The following LMBRD1 variants were observed in gnomAD, a reference collection of about 807,000 sequenced individuals.
LMBRD1 encodes lysosomal cobalamin transport escort protein LMBD1.
A neutral mutation model predicts 74.8 loss-of-function variants in LMBRD1; 64 were observed. The ratio of observed to expected loss-of-function variants is 0.86; its 90% CI spans 0.70 to 1.05. LMBRD1 has a LOEUF of 1.05. Ranked by LOEUF, LMBRD1 falls within the 50% of genes least tolerant of loss-of-function variation. The pLI, the probability that LMBRD1 is intolerant of heterozygous loss-of-function variation, is 0.00. For missense variants in LMBRD1, 652 were observed against 645.9 expected (o/e 1.01, Z -0.10); for synonymous variants, 204 against 216.3 (o/e 0.94, Z 0.50).
chr6:69,710,428 A>G (rs1766358024), intron 9 of LMBRD1, among the ~76,000 whole-genome samples: 1 of 152,188 alleles, frequency 6.6e-6, no homozygotes, highest in Non-Finnish European at 1.5e-5. Flanking sequence ...TTCTTACCTT[A>G]GGATAGACAA....
chr6:69,783,556 G>C (rs1356639387), intron 2 of LMBRD1, among the ~76,000 whole-genome samples: 1 of 152,024 alleles, frequency 6.6e-6, no homozygotes, highest in East Asian at 1.9e-4. Flanking sequence ...TGTATTTTTT[G>C]TAGAGACTGG....
intron 3 of LMBRD1, among the ~76,000 whole-genome samples, chr6:69,765,833 C>T (rs185031826): frequency 1.3e-5 from 2 of 152,062 alleles, no homozygotes; most frequent in African/African-American, 4.8e-5. Context: ...AAATCTTATG[C>T]TTTTTTGTTA....
chr6:69,753,477 G>A (rs1765206668), intron 3 of LMBRD1, among the ~76,000 whole-genome samples: 1 of 152,202 alleles, frequency 6.6e-6, no homozygotes, highest in Non-Finnish European at 1.5e-5. Context: ...AACCCTGTGT[G>A]CTGCTGGTGG....
At chr6:69,769,766 C>T (rs1191813131) in intron 3 of LMBRD1, among the ~76,000 whole-genome samples, 1 of 150,208 alleles carries the variant, frequency 6.7e-6, no homozygotes, top group Non-Finnish European at 1.5e-5. Flanking sequence ...ATTTTTATCC[C>T]AGCTCAAAAA....
chr6:69,719,168 A>G (rs571298928), intron 7 of LMBRD1, 87 bp from the exon 8 acceptor site: 29 of 1,273,976 alleles, frequency 2.3e-5, no homozygotes, highest in Admixed American at 5.8e-5. Context: ...TTTTAAAGTC[A>G]TAAGAGTCAG....
intron 6 of LMBRD1, among the ~76,000 whole-genome samples, chr6:69,739,357 A>G (rs1179277122): frequency 1.3e-5 from 2 of 152,162 alleles, no homozygotes; most frequent in Non-Finnish European, 2.9e-5. Context: ...TGCTGAAGAT[A>G]CCTGAAGATG....
chr6:69,691,147 C>CTT (rs67075550), intron 14 of LMBRD1, among the ~76,000 whole-genome samples: 107,206 of 138,402 alleles, frequency 0.77, 42,745 homozygotes, highest in Middle Eastern at 0.9. Flanking sequence ...GCCTCTCTCT[C>CTT]TCTTTTTTTT....
At chr6:69,699,371 T>C (rs909709895) in intron 12 of LMBRD1, among the ~76,000 whole-genome samples, 179 bp from the exon 13 acceptor site, 2 of 151,860 alleles carry the variant, frequency 1.3e-5, no homozygotes, top group African/African-American at 2.4e-5. Context: ...ACATGGTCTA[T>C]TTCCAGAGAA....
At chr6:69,751,506 T>C (rs1336968619) in intron 4 of LMBRD1, among the ~76,000 whole-genome samples, 1 of 152,204 alleles carries the variant, frequency 6.6e-6, no homozygotes, top group Non-Finnish European at 1.5e-5. Flanking sequence ...TTTGTACTTT[T>C]AGTAGAGACA....
intron 9 of LMBRD1, among the ~76,000 whole-genome samples, chr6:69,711,852 T>A (rs981320419): frequency 3.9e-5 from 6 of 152,120 alleles, no homozygotes; most frequent in Non-Finnish European, 7.4e-5. Context: ...TTTTAACATT[T>A]AAGTTCACGG....
At chr6:69,711,117 C>T (rs1018949487) in intron 9 of LMBRD1, among the ~76,000 whole-genome samples, 8 of 151,960 alleles carry the variant, frequency 5.3e-5, no homozygotes, top group Non-Finnish European at 7.4e-5. Flanking sequence ...GTAATACCAC[C>T]GAACAATAAA....
chr6:69,727,026 G>C (rs764471969), intron 7 of LMBRD1, among the ~76,000 whole-genome samples: 5 of 152,018 alleles, frequency 3.3e-5, no homozygotes, highest in Non-Finnish European at 7.4e-5. Context: ...GTGGTGGCAA[G>C]CACCTGTTGT....
At chr6:69,682,903 G>A (rs905277490) in intron 14 of LMBRD1, among the ~76,000 whole-genome samples, 17 of 151,932 alleles carry the variant, frequency 1.1e-4, no homozygotes, top group Admixed American at 7.9e-4. Context: ...AATTTAGAGA[G>A]AAATTTGCAT....
chr6:69,757,890 C>T (rs1350644526), intron 3 of LMBRD1, among the ~76,000 whole-genome samples: 2 of 152,106 alleles, frequency 1.3e-5, no homozygotes, highest in Non-Finnish European at 2.9e-5. Flanking sequence ...GACCCACTAA[C>T]ATCAAAGAAC....
intron 3 of LMBRD1, among the ~76,000 whole-genome samples, chr6:69,769,443 C>T (rs573312467): frequency 6.6e-6 from 1 of 152,248 alleles, no homozygotes; most frequent in African/African-American, 2.4e-5. Flanking sequence ...AACTGATTTA[C>T]AATAGCTGCT....
intron 14 of LMBRD1, among the ~76,000 whole-genome samples, chr6:69,684,914 T>C (rs187693308): frequency 8.1e-4 from 123 of 152,272 alleles, no homozygotes; most frequent in African/African-American, 2.9e-3. Flanking sequence ...TTAATAATAC[T>C]ATTTAAAAAG....
intron 12 of LMBRD1, among the ~76,000 whole-genome samples, chr6:69,700,312 T>C (rs938878638): frequency 1.5e-4 from 23 of 151,864 alleles, no homozygotes; most frequent in African/African-American, 5.3e-4. Flanking sequence ...TATGGTAATC[T>C]TTACTAATAG....
Position 69,674,080 on chromosome 6 carries a change from A to G in LMBRD1, c.*2078T>C, listed in dbSNP as rs1209830379. 2.0e-5 allele frequency among the ~76,000 whole-genome samples: 3 copies of G among 152,192 alleles called. No individual in the cohort carries two copies. The highest frequency in any genetic ancestry group is 2.4e-5 in the African/African-American group (1 of 41,448). On this transcript the variant is annotated 3_prime_UTR_variant, in exon 16 of 16. Coordinates refer to ENST00000649934, the MANE Select transcript of LMBRD1 (RefSeq NM_018368.4). ...GAACCTCAAGATTAAAGGGTTGACA[A>G]CACTGGATTCTCCTGAGGCCTCTCC...
At chr6:69,741,712 C>T in intron 6 of LMBRD1, 77 bp downstream of exon 6, 1 of 871,060 alleles carries the variant, frequency 1.1e-6, no homozygotes, top group Admixed American at 1.9e-5. Flanking sequence ...TAACAAAATA[C>T]AAATAAACTG....
Sources: gnomAD v4.1 joint callset for allele counts (sites outside exome capture counted in the v4.1 genomes callset) on GRCh38, gnomAD v4.1.1 for gene constraint, MANE v1.5 for transcripts, NCBI Gene and HGNC (gene_info 2026-07-23, HGNC 2026-07-21) for gene names.